The following VEPH1 variants were observed in gnomAD, a reference collection of about 807,000 sequenced individuals.
VEPH1 encodes the protein ventricular zone expressed PH domain containing 1.
A neutral mutation model predicts 85.2 loss-of-function variants in VEPH1; 80 were observed. That is an observed-to-expected ratio of 0.94 (90% CI 0.78 to 1.13). The LOEUF (loss-of-function observed/expected upper bound fraction) is 1.13, where lower values mean the gene tolerates loss of function less well. VEPH1 is among the 50% of genes most tolerant of loss of function. VEPH1 has a pLI of 0.00. For synonymous variants in VEPH1, 297 were observed against 348.0 expected (o/e 0.85, Z 1.63); for missense variants, 955 against 980.5 (o/e 0.97, Z 0.35).
At chr3:157,337,672 A>T (rs960300058) in intron 9 of VEPH1, among the ~76,000 whole-genome samples, 6 of 152,154 alleles carry the variant, frequency 3.9e-5, no homozygotes, top group African/African-American at 1.4e-4. Flanking sequence ...AAATACCTTC[A>T]CTAGAATTTT....
chr3:157,424,420 CTG>C (rs1254523326), intron 5 of VEPH1, among the ~76,000 whole-genome samples: 1 of 152,138 alleles, frequency 6.6e-6, no homozygotes, highest in Non-Finnish European at 1.5e-5. Context: ...ATACCTGAAA[CTG>C]TGGACGTGAC....
At chr3:157,387,041 T>C (rs1283179962) in intron 6 of VEPH1, among the ~76,000 whole-genome samples, 2 of 152,196 alleles carry the variant, frequency 1.3e-5, no homozygotes, top group African/African-American at 4.8e-5. Flanking sequence ...TCCAGTTTAG[T>C]GGGTCAGATG....
At chr3:157,345,585 C>A (rs1724121238) in intron 9 of VEPH1, among the ~76,000 whole-genome samples, 1 of 152,148 alleles carries the variant, frequency 6.6e-6, no homozygotes, top group Non-Finnish European at 1.5e-5. Flanking sequence ...GTTGATGGGA[C>A]TATAAACTAG....
chr3:157,385,552 A>C (rs1311916326), intron 6 of VEPH1, among the ~76,000 whole-genome samples: 1 of 152,184 alleles, frequency 6.6e-6, no homozygotes, highest in Admixed American at 6.5e-5. Context: ...AAAACAAAAA[A>C]TTTAGTGAGA....
At chr3:157,272,366 TTCTC>T (rs1412373913) in intron 12 of VEPH1, among the ~76,000 whole-genome samples, 1 of 123,870 alleles carries the variant, frequency 8.1e-6, no homozygotes, top group Non-Finnish European at 1.7e-5. Context: ...CTTTCTTTCT[TTCTC>T]TTTCTTTTCT....
chr3:157,373,710 TG>T lies in VEPH1; in HGVS notation c.1127+7445del, dbSNP rs532133880. 2.0e-4 allele frequency among the ~76,000 whole-genome samples: 31 copies of T among 152,292 alleles called. No individual in the cohort carries two copies. The South Asian group carries it at 6.2e-3, about 31-fold the overall frequency. ...TTCCTCATTCCCTAGGCTAGAACTT[TG>T]GTGTTCTCTGTCTTGCTTGAAATGG... On this transcript the variant is annotated intron_variant, in intron 7 of 13. Transcript: ENST00000362010.
At position 157,286,477 on chromosome 3, in the gene VEPH1, G is replaced by GCCAC; in HGVS notation, c.2128+76_2128+79dup. The stretch of plus-strand genomic sequence containing the variant: ...CTGGGGATGTTTATGCAAGAGGAAG[G>GCCAC]CCACCTAGAAAAATGGAGCTGACAG... On this transcript the variant is annotated intron_variant, in intron 12 of 13. Coordinates refer to ENST00000362010, the MANE Select transcript of VEPH1 (RefSeq NM_001167912.2). 4.5e-6 allele frequency: 5 copies of GCCAC among 1,100,492 alleles called. No individual in the cohort carries two copies. In the South Asian group the frequency reaches 6.5e-5, roughly 14 times the overall value. 68.2% of individuals were successfully genotyped at this position (1,100,492 alleles called of 1,614,324 possible).
chr3:157,421,925 A>G (rs1448738941), intron 5 of VEPH1, among the ~76,000 whole-genome samples: 1 of 152,154 alleles, frequency 6.6e-6, no homozygotes, highest in Non-Finnish European at 1.5e-5. Flanking sequence ...TCTGGGATCC[A>G]CACTCAGCAC....
At chr3:157,321,814 C>T (rs1721384127) in intron 9 of VEPH1, among the ~76,000 whole-genome samples, 2 of 152,124 alleles carry the variant, frequency 1.3e-5, no homozygotes, top group African/African-American at 4.8e-5. Context: ...AGCTCATCTA[C>T]TTAAATGATT....
chr3:157,442,279 A>G, intron 4 of VEPH1: 1 of 1,233,114 alleles, frequency 8.1e-7, no homozygotes, highest in Non-Finnish European at 1.1e-6. Context: ...AATAATTAAA[A>G]TTCTTATGTT....
chr3:157,460,907 C>A (rs1049335262), intron 3 of VEPH1, among the ~76,000 whole-genome samples: 13 of 151,864 alleles, frequency 8.6e-5, no homozygotes, highest in African/African-American at 2.9e-4. Flanking sequence ...ATGAAAGGTC[C>A]GGCATACAAG....
chr3:157,281,185 G>A (rs977181631), intron 12 of VEPH1, among the ~76,000 whole-genome samples: 2 of 151,960 alleles, frequency 1.3e-5, no homozygotes, highest in Admixed American at 1.3e-4. Context: ...TTAAGAGGGA[G>A]AGAAGAATGT....
intron 6 of VEPH1, among the ~76,000 whole-genome samples, chr3:157,384,598 C>T (rs1729099893): frequency 6.6e-6 from 1 of 152,108 alleles, no homozygotes; most frequent in South Asian, 2.1e-4. Flanking sequence ...CCGAAATCAA[C>T]ATAATTCTGA....
chr3:157,337,968 C>T (rs1264988641), intron 9 of VEPH1, among the ~76,000 whole-genome samples: 1 of 151,854 alleles, frequency 6.6e-6, no homozygotes, highest in Non-Finnish European at 1.5e-5. Flanking sequence ...GAAATAGCAC[C>T]TCCCCAGAAT....
intron 6 of VEPH1, chr3:157,413,597 A>T: frequency 1.0e-6 from 1 of 985,390 alleles, no homozygotes; most frequent in Non-Finnish European, 1.2e-6. Context: ...CAGCAATAAA[A>T]GACTCACTTC....
In VEPH1 at chr3:157,260,031, T is replaced by C. The variant is rs1214990833; in HGVS notation, c.*1103A>G. The C allele has an allele frequency of 6.6e-6, 1 of 152,202 alleles. No homozygotes were observed. The highest frequency in any genetic ancestry group is 2.4e-5 in the African/African-American group (1 of 41,450). 9.4% of individuals were successfully genotyped at this position (152,202 alleles called of 1,614,324 possible). On this transcript the variant is annotated 3_prime_UTR_variant, in exon 14 of 14. Transcript: ENST00000362010. Reference sequence around the variant, plus strand: ...CTTTTAAAGGACTAGTCTGATTAGGTCAGGCCCACCCAGGGGATCTCTTTG... The same window carrying C: ...CTTTTAAAGGACTAGTCTGATTAGGCCAGGCCCACCCAGGGGATCTCTTTG...
rs188393127 is a variant in VEPH1 at position 157,330,359 on chromosome 3, C to G, written c.1736-13158G>C. On this transcript the variant is annotated intron_variant, in intron 9 of 13. Transcript: ENST00000362010. ...TTGAAAATAGTTGAAATACTTAAAA[C>G]CCATCTGCACTGTATGATAGCTTAT... Among the ~76,000 whole-genome samples the G allele has an allele frequency of 2.0e-5, 3 of 152,284 alleles. No individual in the cohort carries two copies. The East Asian group carries it at 5.8e-4, about 29-fold the overall frequency.
chr3:157,328,230 T>A (rs1159899171), intron 9 of VEPH1, among the ~76,000 whole-genome samples: 1 of 116,874 alleles, frequency 8.6e-6, no homozygotes, highest in Non-Finnish European at 1.6e-5. Context: ...AAGAGTTAAT[T>A]CATGTAAGGC....
Position 157,419,920 on chromosome 3 carries a change from C to A in VEPH1, c.697-5830G>T, listed in dbSNP as rs190401862. On this transcript the variant is annotated intron_variant, in intron 5 of 13. Transcript: ENST00000362010. ...TGCAATACCAAAGACATGGAATCAA[C>A]CCAAATACCCATCAATGATAGACTG... Among the ~76,000 whole-genome samples, 778 of 152,176 alleles carry A rather than the reference C, an allele frequency of 5.1e-3. 6 individuals carry two copies. The highest frequency in any genetic ancestry group is 0.016 in the South Asian group (76 of 4,808).
Sources: allele counts gnomAD v4.1 joint callset (sites outside exome capture counted in the v4.1 genomes callset), GRCh38; gene constraint gnomAD v4.1.1; transcripts MANE v1.5; gene names NCBI Gene and HGNC (gene_info 2026-07-23, HGNC 2026-07-21).